Variants in FAM50B observed in about 807,000 individuals in gnomAD.
FAM50B encodes protein FAM50B.
In FAM50B, 9 loss-of-function variants were observed where a neutral mutation model predicts 25.4. The ratio of observed to expected loss-of-function variants is 0.35; its 90% CI spans 0.21 to 0.62. FAM50B has a LOEUF of 0.62. Ranked by LOEUF, FAM50B falls within the 20% of genes least tolerant of loss-of-function variation. The pLI, the probability that FAM50B is intolerant of heterozygous loss-of-function variation, is 0.73. For missense variants in FAM50B, 372 were observed against 477.9 expected, an observed-to-expected ratio of 0.78 and a Z score of 2.07; for synonymous variants, 212 against 204.3, an observed-to-expected ratio of 1.04 and a Z score of -0.32.
chr6:3,842,539 G>A, the FAM50B span, among the ~76,000 whole-genome samples: 1 of 152,078 alleles, frequency 6.6e-6, no homozygotes, highest in Admixed American at 6.5e-5. Flanking sequence ...ACTCCCCTTG[G>A]CCCCTGGCTT....
At chr6:3,839,481 G>C in the FAM50B span, among the ~76,000 whole-genome samples, 9 of 152,258 alleles carry the variant, frequency 5.9e-5, no homozygotes, top group African/African-American at 2.2e-4. Flanking sequence ...GTTGCCAGGG[G>C]CAGCGATGGG....
the FAM50B span, among the ~76,000 whole-genome samples, chr6:3,841,135 A>T: frequency 6.6e-6 from 1 of 152,254 alleles, no homozygotes. Context: ...ACCTGTTAGG[A>T]GCCGCAACAA....
At chr6:3,848,635 G>A (rs1288480789), upstream of FAM50B, among the ~76,000 whole-genome samples, 1 of 152,102 alleles carries the variant, frequency 6.6e-6, no homozygotes, top group Non-Finnish European at 1.5e-5. Context: ...GTTTCGGCGA[G>A]TGTTACCAGA....
upstream of FAM50B, among the ~76,000 whole-genome samples, chr6:3,844,655 G>T (rs1561773198): frequency 6.6e-6 from 1 of 152,106 alleles, no homozygotes; most frequent in African/African-American, 2.4e-5. Flanking sequence ...AGGTTGCAGT[G>T]GGCCGAGATC....
At position 3,850,517 on chromosome 6, in the gene FAM50B, A is replaced by T. The variant is rs1343399941; in HGVS notation, c.706A>T (p.Met236Leu). Residue 236 changes from methionine (M) to leucine (L), a missense_variant, in exon 2 of 2, where the codon ATG becomes TTG. By Grantham distance (15) the Met-to-Leu change is conservative (BLOSUM62 2). Around this residue, in one of 4 missense-constraint regions of FAM50B, gnomAD observed 224 missense variants for 232.2 expected, o/e 0.96. Coordinates refer to ENST00000648326, the MANE Select transcript of FAM50B (RefSeq NM_012135.3). The stretch of plus-strand genomic sequence containing the variant: ...GCGCTCCGCCGGCGTGGAGCAGCTC[A>T]TGTTCATCAAGGAGGACCTCATCCT... ...ELRSAGVEQL[M>L]FIKEDLILPH... is the part of the protein sequence containing the mutation. 6.2e-7 allele frequency: 1 copy of T among 1,613,866 alleles called. No homozygotes were observed. Among genetic ancestry groups the T allele is most frequent in the African/African-American group, 1.3e-5 (1 of 75,070 alleles).
chr6:3,837,099 T>A, the FAM50B span, among the ~76,000 whole-genome samples: 1 of 152,186 alleles, frequency 6.6e-6, no homozygotes, highest in African/African-American at 2.4e-5. Context: ...GGACCACAGA[T>A]CTAAATGGAA....
the FAM50B span, chr6:3,833,869 A>T: frequency 1.9e-4 from 29 of 152,240 alleles, no homozygotes; most frequent in Non-Finnish European, 4.4e-5. Context: ...TAAATGAGTT[A>T]TTAAATATTT....
At chr6:3,844,201 G>A in the FAM50B span, among the ~76,000 whole-genome samples, 1 of 152,110 alleles carries the variant, frequency 6.6e-6, no homozygotes, top group Non-Finnish European at 1.5e-5. Flanking sequence ...CACTGATGCT[G>A]TTTGCATATT....
chr6:3,844,105 G>A, the FAM50B span, among the ~76,000 whole-genome samples: 1 of 152,316 alleles, frequency 6.6e-6, no homozygotes, highest in South Asian at 2.1e-4. Context: ...ATTTGCGGGG[G>A]TCTGTTATTG....
chr6:3,849,048 A>T (rs1441130872), upstream of FAM50B, among the ~76,000 whole-genome samples: 1 of 152,222 alleles, frequency 6.6e-6, no homozygotes, highest in Non-Finnish European at 1.5e-5. Flanking sequence ...CGCTGCGCCC[A>T]CATTGCTTCT....
chr6:3,844,665 C>T (rs1375152118), upstream of FAM50B, among the ~76,000 whole-genome samples: 2 of 152,000 alleles, frequency 1.3e-5, no homozygotes, highest in East Asian at 1.9e-4. Flanking sequence ...GGGCCGAGAT[C>T]GCACCATTGC....
At chr6:3,836,545 C>G in the FAM50B span, among the ~76,000 whole-genome samples, 116 of 152,262 alleles carry the variant, frequency 7.6e-4, no homozygotes, top group African/African-American at 2.7e-3. Flanking sequence ...ATACCTAGAA[C>G]AATTATAGAT....
chr6:3,847,414 A>G (rs774939722), upstream of FAM50B, among the ~76,000 whole-genome samples: 3 of 152,194 alleles, frequency 2.0e-5, no homozygotes, highest in Admixed American at 6.5e-5. Flanking sequence ...TATAGAGGTG[A>G]CTTCCTTCCT....
upstream of FAM50B, among the ~76,000 whole-genome samples, chr6:3,847,034 G>C (rs1371939727): frequency 6.6e-6 from 1 of 152,222 alleles, no homozygotes; most frequent in African/African-American, 2.4e-5. Flanking sequence ...GCTGTAAACA[G>C]ATGTGCTGTC....
At chr6:3,842,978 A>G in the FAM50B span, among the ~76,000 whole-genome samples, 6 of 152,214 alleles carry the variant, frequency 3.9e-5, no homozygotes, top group Admixed American at 1.3e-4. Context: ...ATTTTCATGT[A>G]TGTATTCATA....
At chr6:3,838,744 G>T in the FAM50B span, among the ~76,000 whole-genome samples, 4 of 151,168 alleles carry the variant, frequency 2.6e-5, no homozygotes, top group African/African-American at 7.3e-5. Flanking sequence ...GGGAGGTTGA[G>T]GCACAAGAAT....
the FAM50B span, among the ~76,000 whole-genome samples, chr6:3,836,489 G>A: frequency 2.0e-5 from 3 of 152,136 alleles, no homozygotes; most frequent in Non-Finnish European, 2.9e-5. Flanking sequence ...AGTTCTTCCA[G>A]GGAAAACAGT....
At position 3,850,551 on chromosome 6, in the gene FAM50B, A is replaced by T; in HGVS notation, c.740A>T (p.Tyr247Phe). ...FIKEDLILPHYHTFYDFIIAR... is the reference protein window; with the variant it reads ...FIKEDLILPHFHTFYDFIIAR... ...AAGGAGGACCTCATCCTGCCGCACT[A>T]CCACACCTTCTACGACTTCATCATC... The change falls in exon 2 of 2, where the codon TAC (tyrosine) becomes TTC (phenylalanine). Residue 247 changes from tyrosine (Y) to phenylalanine (F), a missense_variant. Transcript: ENST00000648326. The T allele has an allele frequency of 6.2e-7, 1 of 1,614,030 alleles. No homozygotes were observed.
chr6:3,845,185 A>G (rs115315826), upstream of FAM50B, among the ~76,000 whole-genome samples: 1,354 of 152,302 alleles, frequency 8.9e-3, 22 homozygotes, highest in African/African-American at 0.03. Context: ...ACTTAGGGGA[A>G]AATTCTACAG....
Sources: allele counts gnomAD v4.1 joint callset (sites outside exome capture counted in the v4.1 genomes callset), GRCh38; gene constraint gnomAD v4.1.1; regional missense constraint gnomAD v4.1.1; transcripts MANE v1.5; gene names NCBI Gene and HGNC (gene_info 2026-07-23, HGNC 2026-07-21).